The following DTNA variants were observed in gnomAD, a reference collection of about 807,000 sequenced individuals.
The protein encoded by DTNA is dystrobrevin alpha.
DTNA carries 43 observed loss-of-function variants against 100.7 expected under a neutral mutation model. That is an observed-to-expected ratio of 0.43 (90% confidence interval 0.33 to 0.55). The LOEUF (loss-of-function observed/expected upper bound fraction) is 0.55. Among genes scored for constraint, DTNA ranks in the 20% least tolerant of loss-of-function variants. The probability of loss-of-function intolerance (pLI) is 0.04; values close to 1 mark genes in which losing one functional copy is unlikely to be tolerated. For missense variants in DTNA, 798 were observed against 953.9 expected (o/e 0.84, Z 2.15); for synonymous variants, 349 against 347.9 (o/e 1.00, Z -0.04).
rs188226374 is a variant in DTNA, at chr18:34,727,105, G to A, written c.-2+16660G>A. ...AGCGGCAGCCTGAGCTGTACCTGAAGCCCTTTAAGCAAAGGCTGGAGCCCT... is the reference window on the plus strand; with the variant it reads ...AGCGGCAGCCTGAGCTGTACCTGAAACCCTTTAAGCAAAGGCTGGAGCCCT... On this transcript the variant is annotated intron_variant, in intron 1 of 22. Transcript: ENST00000444659. 7.7e-3 allele frequency among the ~76,000 whole-genome samples: 1,179 copies of A among 152,274 alleles called. 8 individuals are homozygous for A. Among genetic ancestry groups the A allele is most frequent in the African/African-American group, 0.027 (1,105 of 41,552 alleles).
At chr18:34,849,213 G>A (rs2096437117) in intron 14 of DTNA, among the ~76,000 whole-genome samples, 1 of 152,172 alleles carries the variant, frequency 6.6e-6, no homozygotes, top group Non-Finnish European at 1.5e-5. Context: ...AGGGCCATAA[G>A]TAAGGAGCAA....
At chr18:34,835,755 G>A (rs1362557460) in intron 11 of DTNA, among the ~76,000 whole-genome samples, 2 of 152,174 alleles carry the variant, frequency 1.3e-5, no homozygotes, top group Non-Finnish European at 2.9e-5. Context: ...AAGTTCACCA[G>A]AATAATTTGT....
intron 1 of DTNA, among the ~76,000 whole-genome samples, chr18:34,745,702 G>A (rs1384546984): frequency 6.6e-6 from 1 of 152,166 alleles, no homozygotes; most frequent in Non-Finnish European, 1.5e-5. Flanking sequence ...CTCTGTAGAT[G>A]TGTCCACTGT....
At position 34,643,173 on chromosome 18, in the gene DTNA, C is replaced by G. The variant is rs141884176; in HGVS notation, c.-1-112803C>G. 3.5e-3 allele frequency among the ~76,000 whole-genome samples: 533 copies of G among 152,268 alleles called. 2 individuals are homozygous for G. The highest frequency in any genetic ancestry group is 0.012 in the African/African-American group (495 of 41,550). ...CTAAGAGTGGCAAGATGTGTCATGG[C>G]TCTTGGTTCCTCAGGGCCTCTCCTG... On this transcript the variant is annotated intron_variant, in intron 1 of 19. Coordinates refer to the DTNA transcript ENST00000283365.
intron 5 of DTNA, 109 bp downstream of exon 5, chr18:34,806,413 A>G (rs1390515549): frequency 9.7e-6 from 9 of 924,128 alleles, no homozygotes; most frequent in Admixed American, 4.0e-5. Flanking sequence ...TCCTCATTCT[A>G]TGAGAGTTGT....
At chr18:34,529,293 A>G (rs1459566652) in intron 1 of DTNA, among the ~76,000 whole-genome samples, 2 of 152,090 alleles carry the variant, frequency 1.3e-5, no homozygotes, top group Non-Finnish European at 2.9e-5. Flanking sequence ...AGAATAATTG[A>G]TTCATTCATT....
At chr18:34,772,235 T>C (rs2093812078) in intron 3 of DTNA, among the ~76,000 whole-genome samples, 1 of 152,192 alleles carries the variant, frequency 6.6e-6, no homozygotes, top group Non-Finnish European at 1.5e-5. Context: ...GGAGAAAAGG[T>C]CTATAATTAT....
chr18:34,567,332 G>A (rs1471701732), intron 1 of DTNA, among the ~76,000 whole-genome samples: 3 of 151,914 alleles, frequency 2.0e-5, no homozygotes, highest in Non-Finnish European at 2.9e-5. Flanking sequence ...TTTACTATTC[G>A]TTACCTTAAA....
intron 1 of DTNA, among the ~76,000 whole-genome samples, chr18:34,545,088 A>C (rs1375609194): frequency 3.3e-5 from 5 of 152,096 alleles, no homozygotes; most frequent in African/African-American, 9.6e-5. Context: ...AGAGAGACTG[A>C]TGTAAGTCCT....
intron 1 of DTNA, among the ~76,000 whole-genome samples, chr18:34,561,817 T>C (rs1282085235): frequency 2.0e-5 from 3 of 152,210 alleles, no homozygotes; most frequent in Non-Finnish European, 2.9e-5. Context: ...CCTTCATTTA[T>C]TGACAGTTTT....
chr18:34,607,563 G>A (rs2053386855), intron 1 of DTNA, among the ~76,000 whole-genome samples: 1 of 152,074 alleles, frequency 6.6e-6, no homozygotes, highest in African/African-American at 2.4e-5. Context: ...ATAAAAAATG[G>A]ACTACATTTT....
chr18:34,504,019 CT>C (rs1285500482), intron 1 of DTNA: 38 of 147,352 alleles, frequency 2.6e-4, no homozygotes, highest in Admixed American at 4.1e-4. Flanking sequence ...TTTTTTCTTT[CT>C]TTTTTTTTTG....
At chr18:34,829,771 T>C (rs1025492499) in intron 11 of DTNA, among the ~76,000 whole-genome samples, 1 of 152,250 alleles carries the variant, frequency 6.6e-6, no homozygotes, top group African/African-American at 2.4e-5. Flanking sequence ...TGGACAAGTC[T>C]CTGCTTTTGT....
chr18:34,842,391 A>G (rs147172974), intron 13 of DTNA, among the ~76,000 whole-genome samples: 1 of 152,304 alleles, frequency 6.6e-6, no homozygotes, highest in East Asian at 1.9e-4. Flanking sequence ...AAGAATGCCT[A>G]TTTCAGAATT....
chr18:34,506,841 G>A (rs2040541446), intron 1 of DTNA, among the ~76,000 whole-genome samples: 1 of 152,050 alleles, frequency 6.6e-6, no homozygotes, highest in African/African-American at 2.4e-5. Context: ...AAAATACAGG[G>A]GTTTCAGTTG....
intron 21 of DTNA, among the ~76,000 whole-genome samples, chr18:34,882,902 T>C (rs959113181): frequency 6.6e-6 from 1 of 152,220 alleles, no homozygotes; most frequent in Non-Finnish European, 1.5e-5. Context: ...GTCTTCCTCA[T>C]TGCCCACCTC....
chr18:34,553,333 C>T (rs1398026141), intron 1 of DTNA, among the ~76,000 whole-genome samples: 147 of 151,152 alleles, frequency 9.7e-4, no homozygotes, highest in African/African-American at 3.1e-3. Context: ...GTAGGTTGCC[C>T]GTTCACTCTG....
At chr18:34,822,791 T>C (rs1172939595) in intron 9 of DTNA, among the ~76,000 whole-genome samples, 7 of 152,198 alleles carry the variant, frequency 4.6e-5, no homozygotes, top group Non-Finnish European at 5.9e-5. Context: ...AGCCTCACAA[T>C]GCGTTCTTAG....
chr18:34,818,091 T>A (rs1297173245), intron 7 of DTNA, 73 bp from the exon 8 acceptor site: 8 of 1,611,886 alleles, frequency 5.0e-6, no homozygotes, highest in Non-Finnish European at 6.8e-6. Context: ...GCAATTCCTG[T>A]AAGGCTGTAT....
Sources: gnomAD v4.1 joint callset for allele counts (sites outside exome capture counted in the v4.1 genomes callset) on GRCh38, gnomAD v4.1.1 for gene constraint, MANE v1.5 for transcripts, NCBI Gene and HGNC (gene_info 2026-07-23, HGNC 2026-07-21) for gene names.